MTAP: variants seen among roughly 807,000 people sequenced by gnomAD.
MTAP encodes the protein methylthioadenosine phosphorylase.
A neutral mutation model predicts 33.6 loss-of-function variants in MTAP; 33 were observed. The ratio of observed to expected loss-of-function variants is 0.98; its 90% CI spans 0.74 to 1.31. The LOEUF (loss-of-function observed/expected upper bound fraction) is 1.31, where lower values mean the gene tolerates loss of function less well. Ranked by LOEUF, MTAP falls within the 40% of genes most tolerant of loss-of-function variation. MTAP has a pLI of 0.00. For missense variants in MTAP, 367 were observed against 360.0 expected, an observed-to-expected ratio of 1.02 and a Z score of -0.16; for synonymous variants, 148 against 125.7, an observed-to-expected ratio of 1.18 and a Z score of -1.19.
At chr9:21,877,426 G>T (rs1826029060) in intron 1 of MTAP, among the ~76,000 whole-genome samples, 1 of 152,104 alleles carries the variant, frequency 6.6e-6, no homozygotes, top group Non-Finnish European at 1.5e-5. Context: ...GGGCATTCTT[G>T]TCTTGTGCTG....
At chr9:21,914,520 C>T (rs894839201) in intron 1 of MTAP, among the ~76,000 whole-genome samples, 5 of 151,634 alleles carry the variant, frequency 3.3e-5, no homozygotes, top group Admixed American at 1.3e-4. Context: ...TCTCAGCAAA[C>T]TATCACAAGG....
At chr9:21,894,459 A>G (rs960508289) in intron 1 of MTAP, among the ~76,000 whole-genome samples, 2 of 151,994 alleles carry the variant, frequency 1.3e-5, no homozygotes, top group Admixed American at 6.6e-5. Flanking sequence ...AAAGAAGTCA[A>G]CTATCTCTCT....
At chr9:21,902,620 T>C (rs1818410822) in intron 1 of MTAP, among the ~76,000 whole-genome samples, 1 of 152,246 alleles carries the variant, frequency 6.6e-6, no homozygotes, top group African/African-American at 2.4e-5. Context: ...TTATGAACTT[T>C]CTGACCTAAG....
intron 1 of MTAP, among the ~76,000 whole-genome samples, chr9:21,805,928 G>T (rs574344712): frequency 1.3e-5 from 2 of 152,146 alleles, no homozygotes; most frequent in Non-Finnish European, 2.9e-5. Context: ...AGAGAGATGG[G>T]GGTAGGAGAG....
downstream of MTAP, chr9:21,932,615 A>G (rs908335005): frequency 1.3e-5 from 2 of 151,290 alleles, no homozygotes; most frequent in South Asian, 2.1e-4. Context: ...CCACACCCCT[A>G]TGATTGCACC....
chr9:21,854,690 C>A lies in MTAP; in HGVS notation c.510C>A (p.Val170=). ...GGTGCCACTCAAAGGGGACAATGGT[C>A]ACAATCGAGGGACCTCGTTTTAGCT... ...GLRCHSKGTM[V]TIEGPRFSSR... Residue 170 remains valine (V), a synonymous_variant, in exon 6 of 8, where the codon GTC becomes GTA. Coordinates refer to ENST00000644715, the MANE Select transcript of MTAP (RefSeq NM_002451.4). 1 of 1,613,756 alleles carries A rather than the reference C, an allele frequency of 6.2e-7. No homozygotes were observed. The highest frequency in any genetic ancestry group is 1.1e-5 in the South Asian group (1 of 91,022).
At chr9:21,834,990 C>T (rs1324355507) in intron 4 of MTAP, among the ~76,000 whole-genome samples, 1 of 152,022 alleles carries the variant, frequency 6.6e-6, no homozygotes, top group Admixed American at 6.6e-5. Flanking sequence ...AACGGAATAC[C>T]ATAGACTGGG....
At chr9:21,895,600 C>G (rs549158331) in intron 1 of MTAP, among the ~76,000 whole-genome samples, 23 of 152,266 alleles carry the variant, frequency 1.5e-4, no homozygotes, top group African/African-American at 5.5e-4. Flanking sequence ...AAAACTGGGA[C>G]ACTCCCACCC....
chr9:21,845,836 G>A (rs1175981231), intron 5 of MTAP, among the ~76,000 whole-genome samples: 1 of 152,056 alleles, frequency 6.6e-6, no homozygotes, highest in African/African-American at 2.4e-5. Context: ...GAACAATCTG[G>A]AGGTATCACA....
rs900088920 is a variant in MTAP at position 21,922,548 on chromosome 9, GA to G, written c.148-8457del. 2.0e-5 allele frequency among the ~76,000 whole-genome samples: 3 copies of G among 152,112 alleles called. No homozygotes were observed. The highest frequency in any genetic ancestry group is 7.2e-5 in the African/African-American group (3 of 41,414). Reference sequence around the variant, plus strand: ...CAAATTCTTTCCTTTGAAGAGGCAAGAAACAAGTTCTTGCAGACCCATACAG... The same window carrying G: ...CAAATTCTTTCCTTTGAAGAGGCAAGAACAAGTTCTTGCAGACCCATACAG... On this transcript the variant is annotated intron_variant, in intron 1 of 1. Transcript: ENST00000577563. The surrounding 1 kb of genome is among the most constrained non-coding windows in gnomAD (Gnocchi z 4.8).
chr9:21,882,574 G>A (rs1818032409), intron 1 of MTAP, among the ~76,000 whole-genome samples: 1 of 151,956 alleles, frequency 6.6e-6, no homozygotes, highest in Admixed American at 6.6e-5. Context: ...ACAAATTGAT[G>A]TGTCAGACAG....
intron 1 of MTAP, among the ~76,000 whole-genome samples, chr9:21,913,771 G>C (rs1450347952): frequency 6.6e-6 from 1 of 152,138 alleles, no homozygotes; most frequent in East Asian, 1.9e-4. Flanking sequence ...AGCCAAAATT[G>C]ACAAATGGGA....
chr9:21,811,102 C>G (rs1824334408), intron 1 of MTAP, among the ~76,000 whole-genome samples: 1 of 152,214 alleles, frequency 6.6e-6, no homozygotes, highest in African/African-American at 2.4e-5. Context: ...GGCTCGCTTA[C>G]CTTATCGTGA....
intron 1 of MTAP, among the ~76,000 whole-genome samples, chr9:21,913,942 C>G (rs750193852): frequency 6.6e-6 from 1 of 152,100 alleles, no homozygotes; most frequent in Non-Finnish European, 1.5e-5. Context: ...AAGAAAAAAT[C>G]GAACAACCCC....
chr9:21,937,247 G>A (rs537190293), exon 8 of MTAP: 1 of 152,216 alleles, frequency 6.6e-6, no homozygotes, highest in South Asian at 2.1e-4. Flanking sequence ...GCTGAGGCAG[G>A]AGAATCGCAT....
chr9:21,826,682 AC>A (rs375002832), intron 4 of MTAP, among the ~76,000 whole-genome samples: 5 of 149,690 alleles, frequency 3.3e-5, no homozygotes, highest in Non-Finnish European at 7.4e-5. Flanking sequence ...TTGTTCCTTT[AC>A]CCCCCCAAAA....
chr9:21,869,507 A>G (rs772422339), downstream of MTAP, among the ~76,000 whole-genome samples: 2 of 151,736 alleles, frequency 1.3e-5, no homozygotes, highest in Admixed American at 6.6e-5. Flanking sequence ...TGATCTTTTA[A>G]TGTTGCCTGC....
Position 21,912,176 on chromosome 9 carries a change from G to T in MTAP, c.148-18832G>T, listed in dbSNP as rs137973795. On this transcript the variant is annotated intron_variant, in intron 1 of 1. Coordinates refer to the MTAP transcript ENST00000577563. Reference sequence around the variant, plus strand: ...CCAAAAAACAGTCCAGGACCAGACAGATTCACAGCCGAATTCTACCAGAGG... The same window carrying T: ...CCAAAAAACAGTCCAGGACCAGACATATTCACAGCCGAATTCTACCAGAGG... 5.4e-3 allele frequency among the ~76,000 whole-genome samples: 815 copies of T among 152,284 alleles called. 3 individuals are homozygous for T. Among genetic ancestry groups the T allele is most frequent in the African/African-American group, 0.019 (792 of 41,536 alleles).
In MTAP at chr9:21,895,131, C is replaced by A. The variant is rs188842387; in HGVS notation, c.148-35877C>A. On this transcript the variant is annotated intron_variant, in intron 1 of 1. Coordinates refer to the MTAP transcript ENST00000577563. ...GCAATTTACAGATTAAATGCCATTC[C>A]TATCAAACTGCCAATGACGTTTTTC... Among the ~76,000 whole-genome samples the A allele has an allele frequency of 2.3e-3, 355 of 152,248 alleles. 1 individual carries two copies. The highest frequency in any genetic ancestry group is 7.7e-3 in the African/African-American group (321 of 41,546).
Sources: allele counts gnomAD v4.1 joint callset (sites outside exome capture counted in the v4.1 genomes callset), GRCh38; gene constraint gnomAD v4.1.1; non-coding constraint Gnocchi (gnomAD v3.1); transcripts MANE v1.5; gene names NCBI Gene and HGNC (gene_info 2026-07-23, HGNC 2026-07-21).